Variants in GRIK3 observed in about 807,000 individuals in gnomAD.
GRIK3 encodes the protein glutamate receptor ionotropic, kainate 3.
A neutral mutation model predicts 102.5 loss-of-function variants in GRIK3; 29 were observed. The observed-to-expected ratio is 0.28, with a 90% confidence interval of 0.21 to 0.39. The LOEUF (loss-of-function observed/expected upper bound fraction) is 0.39. Ranked by LOEUF, GRIK3 falls within the 10% of genes least tolerant of loss-of-function variation. The pLI, the probability that GRIK3 is intolerant of heterozygous loss-of-function variation, is 1.00. For synonymous variants in GRIK3, 511 were observed against 504.9 expected (o/e 1.01, Z -0.16); for missense variants, 908 against 1,252.4 (o/e 0.73, Z 4.15).
intron 10 of GRIK3, among the ~76,000 whole-genome samples, chr1:36,841,435 C>T (rs546196082): frequency 1.3e-5 from 2 of 152,300 alleles, no homozygotes; most frequent in African/African-American, 4.8e-5. Flanking sequence ...AGCCACAGGC[C>T]TCCTCCAGAG....
intron 1 of GRIK3, among the ~76,000 whole-genome samples, chr1:36,983,433 G>T (rs999670136): frequency 2.0e-5 from 3 of 152,140 alleles, no homozygotes; most frequent in African/African-American, 4.8e-5. Context: ...TGTAGGAGGG[G>T]TGATAACTCC....
At chr1:36,947,737 C>T (rs1353670777) in intron 1 of GRIK3, among the ~76,000 whole-genome samples, 1 of 152,108 alleles carries the variant, frequency 6.6e-6, no homozygotes, top group East Asian at 1.9e-4. Flanking sequence ...CTGCTATTTT[C>T]TATCCTCCTG....
At chr1:36,890,631 A>G (rs1557715534) in intron 2 of GRIK3, among the ~76,000 whole-genome samples, 1 of 152,168 alleles carries the variant, frequency 6.6e-6, no homozygotes, top group African/African-American at 2.4e-5. Context: ...GTAAAGTCCT[A>G]TATGGTACTT....
intron 1 of GRIK3, among the ~76,000 whole-genome samples, chr1:36,899,948 A>G (rs1015938226): frequency 2.0e-5 from 3 of 152,244 alleles, no homozygotes; most frequent in African/African-American, 7.2e-5. Context: ...TTACTATTCT[A>G]CTAGGAGACT....
Position 37,030,555 on chromosome 1 carries a change from C to T in GRIK3, c.115+3439G>A, listed in dbSNP as rs1253707039. Among the ~76,000 whole-genome samples, 212 of 139,536 alleles carry T rather than the reference C, an allele frequency of 1.5e-3. 1 individual carries two copies. The highest frequency in any genetic ancestry group is 5.4e-3 in the African/African-American group (196 of 36,354). The allele number at this position is 139,536 out of a possible 152,430, so 91.5% of individuals were successfully genotyped here. A position where few individuals can be genotyped will look rare whatever the true frequency, so the allele number is the denominator to read the frequency against. On this transcript the variant is annotated intron_variant, in intron 1 of 15. Transcript: ENST00000373091. ...TCCCCACCCCCCACCCCCTCCCCCCCCCCAACACCTGCTTTATGTCTCTGC... is the reference window on the plus strand; with the variant it reads ...TCCCCACCCCCCACCCCCTCCCCCCTCCCAACACCTGCTTTATGTCTCTGC...
chr1:36,804,919 A>C (rs773854433), intron 15 of GRIK3, 68 bp downstream of exon 15: 1 of 1,573,546 alleles, frequency 6.4e-7, no homozygotes, highest in Non-Finnish European at 8.7e-7. Flanking sequence ...TGCCTGGCAC[A>C]TACAGGAGTG....
At chr1:37,029,705 C>T (rs1000849631) in intron 1 of GRIK3, among the ~76,000 whole-genome samples, 3 of 152,218 alleles carry the variant, frequency 2.0e-5, no homozygotes, top group Non-Finnish European at 2.9e-5. Context: ...GGGACAGGCA[C>T]AGAGTGCCTG....
rs974673773 is a variant in GRIK3 at position 36,795,709 on chromosome 1, C to T, written c.*6142G>A. 5.9e-5 allele frequency: 9 copies of T among 152,192 alleles called. No individual in the cohort carries two copies. Among genetic ancestry groups the T allele is most frequent in the Non-Finnish European group, 1.3e-4 (9 of 68,040 alleles). The allele number at this position is 152,192 out of a possible 1,614,324, so 9.4% of individuals were successfully genotyped here. On this transcript the variant is annotated 3_prime_UTR_variant, in exon 16 of 16. Coordinates refer to ENST00000373091, the MANE Select transcript of GRIK3 (RefSeq NM_000831.4). ...AGTTACTATGAAACCCAAATTGTTA[C>T]AAAATGTTTACAAAAAACTATATTC... is the stretch of plus-strand genomic sequence containing the variant.
At chr1:37,009,480 C>T (rs485513) in intron 1 of GRIK3, among the ~76,000 whole-genome samples, 25,930 of 152,152 alleles carry the variant, frequency 0.17, 3,323 homozygotes, top group African/African-American at 0.36. Context: ...CTCGCCGAAG[C>T]GAAGTCTGCA....
intron 3 of GRIK3, among the ~76,000 whole-genome samples, chr1:36,878,601 T>TCA (rs1465601568): frequency 6.6e-6 from 1 of 152,188 alleles, no homozygotes; most frequent in Non-Finnish European, 1.5e-5. Context: ...CTTGCCAAGG[T>TCA]CACTCTCTCT....
chr1:36,952,265 G>A (rs1186693149), intron 1 of GRIK3, among the ~76,000 whole-genome samples: 3 of 152,170 alleles, frequency 2.0e-5, no homozygotes, highest in Non-Finnish European at 4.4e-5. Context: ...ATGTCCGTTA[G>A]GGCCTCCTCC....
intron 1 of GRIK3, among the ~76,000 whole-genome samples, chr1:36,891,314 C>A (rs1641113125): frequency 6.6e-6 from 1 of 152,200 alleles, no homozygotes; most frequent in South Asian, 2.1e-4. Flanking sequence ...GATAACAGAG[C>A]CCGACAGGGC....
Position 36,800,255 on chromosome 1 carries a change from T to C in GRIK3, c.*1596A>G, listed in dbSNP as rs1642425665. On this transcript the variant is annotated 3_prime_UTR_variant, in exon 16 of 16. Transcript: ENST00000373091. ...GGGAGTGGCTGGTATGCCCCAGTTC[T>C]CATCCAGAATCCCCAGAACCTCCCT... The C allele has an allele frequency of 1.3e-5, 2 of 152,230 alleles. No individual in the cohort carries two copies. The highest frequency in any genetic ancestry group is 6.5e-5 in the Admixed American group (1 of 15,286). The allele number at this position is 152,230 out of a possible 1,614,324, so 9.4% of individuals were successfully genotyped here.
intron 3 of GRIK3, among the ~76,000 whole-genome samples, chr1:36,875,596 G>A (rs1457116633): frequency 6.6e-6 from 1 of 152,164 alleles, no homozygotes; most frequent in Non-Finnish European, 1.5e-5. Flanking sequence ...AATGTGCCTC[G>A]GCTATCCTGC....
chr1:36,920,975 A>T (rs1641461440), intron 1 of GRIK3, among the ~76,000 whole-genome samples: 1 of 152,158 alleles, frequency 6.6e-6, no homozygotes, highest in African/African-American at 2.4e-5. Flanking sequence ...GAGGAGGCCG[A>T]AGAGGTGGGA....
intron 13 of GRIK3, among the ~76,000 whole-genome samples, chr1:36,814,509 A>AC (rs376040990): frequency 0.046 from 3,867 of 83,934 alleles, 162 homozygotes; most frequent in African/African-American, 0.076. Flanking sequence ...ACATACATAG[A>AC]CCCCCCCCCC....
intron 1 of GRIK3, among the ~76,000 whole-genome samples, chr1:36,997,045 G>A (rs938509800): frequency 1.3e-5 from 2 of 152,176 alleles, no homozygotes; most frequent in Non-Finnish European, 2.9e-5. Flanking sequence ...TGAGAAGGCT[G>A]GTTCTAGGGA....
intron 3 of GRIK3, among the ~76,000 whole-genome samples, chr1:36,874,111 C>T (rs920366296): frequency 6.6e-6 from 1 of 152,206 alleles, no homozygotes; most frequent in African/African-American, 2.4e-5. Context: ...AGTTTTCAAT[C>T]AACTGTTACT....
chr1:36,901,259 A>G (rs1451446897), intron 1 of GRIK3, among the ~76,000 whole-genome samples: 1 of 152,252 alleles, frequency 6.6e-6, no homozygotes, highest in Non-Finnish European at 1.5e-5. Flanking sequence ...AATATCTCTC[A>G]TTAATACAGA....
Sources: allele counts gnomAD v4.1 joint callset (sites outside exome capture counted in the v4.1 genomes callset), GRCh38; gene constraint gnomAD v4.1.1; transcripts MANE v1.5; gene names NCBI Gene and HGNC (gene_info 2026-07-23, HGNC 2026-07-21).